EXOC1: variants seen among roughly 807,000 people sequenced by gnomAD.
The protein encoded by EXOC1 is SEC3-like 1.
In EXOC1, 67 loss-of-function variants were observed where a neutral mutation model predicts 107.7. That is an observed-to-expected ratio of 0.62 (90% CI 0.51 to 0.76). The LOEUF is 0.76. Ranked by LOEUF, EXOC1 falls within the 30% of genes least tolerant of loss-of-function variation. The probability of loss-of-function intolerance (pLI) is 0.00; values close to 1 mark genes in which losing one functional copy is unlikely to be tolerated. For synonymous variants in EXOC1, 348 were observed against 353.5 expected (o/e 0.98, Z 0.17); for missense variants, 833 against 1,055.7 (o/e 0.79, Z 2.92).
At chr4:55,877,728 C>A (rs1723030651) in intron 8 of EXOC1, 189 bp from the exon 9 acceptor site, 2 of 985,118 alleles carry the variant, frequency 2.0e-6, no homozygotes, top group African/African-American at 3.5e-5. Flanking sequence ...TGGTAATGTT[C>A]ATTTGATATA....
intron 8 of EXOC1, chr4:55,875,355 C>A: frequency 1.3e-6 from 1 of 790,362 alleles, no homozygotes; most frequent in Non-Finnish European, 1.5e-6. Context: ...TGGAACTTTG[C>A]TCAGATTTTT....
chr4:55,879,224 C>T (rs1245863095), intron 9 of EXOC1, among the ~76,000 whole-genome samples: 1 of 152,132 alleles, frequency 6.6e-6, no homozygotes, highest in Non-Finnish European at 1.5e-5. Context: ...TCTCAGAGTA[C>T]GTATTCTAGA....
At position 55,870,917 on chromosome 4, in the gene EXOC1, C is replaced by A. The variant is rs372578105; in HGVS notation, c.831+12C>A. On this transcript the variant is annotated intron_variant, in intron 6 of 18. Coordinates refer to ENST00000381295, the MANE Select transcript of EXOC1 (RefSeq NM_001024924.2). ...TAGAGTTCCTTGTGGTAAGTATGATCATAAATTACCAACAAAAAAAAACTA... is the reference window on the plus strand; with the variant it reads ...TAGAGTTCCTTGTGGTAAGTATGATAATAAATTACCAACAAAAAAAAACTA... 2 of 1,581,874 alleles carry A rather than the reference C, an allele frequency of 1.3e-6. No individual in the cohort carries two copies. The highest frequency in any genetic ancestry group is 1.1e-5 in the South Asian group (1 of 87,290).
rs1301813235 is a variant in EXOC1, at chr4:55,896,869, C to T, written c.2106C>T (p.Tyr702=). 1 of 1,604,966 alleles carries T rather than the reference C, an allele frequency of 6.2e-7. No homozygotes were observed. Among genetic ancestry groups the T allele is most frequent in the South Asian group, 1.1e-5 (1 of 88,776 alleles). The change falls in exon 16 of 19, where the codon TAC becomes TAT. Residue 702 remains tyrosine (Y), a synonymous_variant. Transcript: ENST00000381295. The part of the protein sequence containing the change: ...AERRGDLDKA[Y]TKLIRGVFVN... The stretch of plus-strand genomic sequence containing the variant: ...GTCGTGGAGACCTGGATAAAGCATA[C>T]ACCAAACTTATCAGAGGAGTATTTG...
chr4:55,900,096 C>A (rs1487321860), intron 17 of EXOC1, among the ~76,000 whole-genome samples: 5 of 152,044 alleles, frequency 3.3e-5, no homozygotes. Flanking sequence ...TATTTATCTA[C>A]TATATTTTAA....
intron 10 of EXOC1, among the ~76,000 whole-genome samples, chr4:55,888,368 T>G (rs1258618312): frequency 1.3e-5 from 2 of 152,182 alleles, no homozygotes; most frequent in Non-Finnish European, 2.9e-5. Context: ...GTTTTAACTT[T>G]TCAGTGGTTT....
Position 55,871,204 on chromosome 4 carries a change from T to G in EXOC1, c.935T>G (p.Leu312Arg). ...EACTNAADAL[L>R]QCMNVALRPG... ...TGCACCAATGCTGCTGATGCCCTTCTGCAGTGCATGAATGTAGCTCTTCGA... is the reference window on the plus strand; with the variant it reads ...TGCACCAATGCTGCTGATGCCCTTCGGCAGTGCATGAATGTAGCTCTTCGA... Residue 312 changes from leucine to arginine, a missense_variant, in exon 7 of 19, where the codon CTG becomes CGG. By Grantham distance (102) the Leu-to-Arg change is moderately radical. This residue lies in a region of EXOC1 where 617 missense variants were observed against 701.3 expected (regional missense o/e 0.88). Coordinates refer to ENST00000381295, the MANE Select transcript of EXOC1 (RefSeq NM_001024924.2). The G allele has an allele frequency of 1.2e-6, 2 of 1,613,840 alleles. No individual in the cohort carries two copies. The highest frequency in any genetic ancestry group is 1.7e-6 in the Non-Finnish European group (2 of 1,179,818).
Position 55,899,761 on chromosome 4 carries a change from A to T in EXOC1, c.2214A>T (p.Ala738=). The T allele has an allele frequency of 1.9e-6, 3 of 1,613,832 alleles. No homozygotes were observed. Among genetic ancestry groups the T allele is most frequent in the Non-Finnish European group, 2.5e-6 (3 of 1,179,824 alleles). The stretch of plus-strand genomic sequence containing the variant: ...TGGAAAACTTTCACCATATTTTTGC[A>T]ACTCTTTCTCGATTGAAAATCTCAT... ...VMMENFHHIF[A]TLSRLKISCL... The change falls in exon 17 of 19, where the codon GCA becomes GCT. Residue 738 remains alanine (A), a synonymous_variant. Coordinates refer to ENST00000381295, the MANE Select transcript of EXOC1 (RefSeq NM_001024924.2).
intron 3 of EXOC1, among the ~76,000 whole-genome samples, chr4:55,861,333 A>G (rs1392909233): frequency 6.6e-6 from 1 of 152,228 alleles, no homozygotes; most frequent in Admixed American, 6.5e-5. Flanking sequence ...CAAGGCTTAT[A>G]CTAGTGAAAC....
intron 11 of EXOC1, 57 bp downstream of exon 11, chr4:55,888,989 G>C (rs907143120): frequency 8.9e-6 from 14 of 1,574,678 alleles, no homozygotes; most frequent in Non-Finnish European, 1.2e-5. Context: ...TTAATGTCTA[G>C]AAATTAGTTG....
chr4:55,884,629 A>G lies in EXOC1; in HGVS notation c.1330+701A>G, dbSNP rs182242837. Among the ~76,000 whole-genome samples the G allele has an allele frequency of 7.9e-4, 121 of 152,332 alleles. 1 individual carries two copies. The highest frequency in any genetic ancestry group is 2.8e-3 in the African/African-American group (116 of 41,578). The stretch of plus-strand genomic sequence containing the variant: ...CCACATTCTGCTCTTGCATGTATCC[A>G]TCTCTGGAGTTCCTTTTGGATGGAG... On this transcript the variant is annotated intron_variant, in intron 10 of 18. Transcript: ENST00000381295.
chr4:55,884,063 C>G, intron 10 of EXOC1, 135 bp downstream of exon 10: 1 of 629,728 alleles, frequency 1.6e-6, no homozygotes, highest in Non-Finnish European at 2.7e-6. Context: ...AAAACGTTGG[C>G]TTGATTTATA....
rs980583108 is a variant in EXOC1 at position 55,877,990 on chromosome 4, G to A, written c.1148G>A (p.Arg383Lys). The A allele has an allele frequency of 8.7e-6, 14 of 1,613,856 alleles. No homozygotes were observed. Among genetic ancestry groups the A allele is most frequent in the Non-Finnish European group, 1.1e-5 (13 of 1,179,878 alleles). Residue 383 changes from arginine (R) to lysine (K), a missense_variant, in exon 9 of 19, where the codon AGA (arginine) becomes AAA (lysine). By Grantham distance (26) the Arg-to-Lys change is conservative. Transcript: ENST00000381295. Reference sequence around the variant, plus strand: ...TTACCCAATCATCATCCATTTCATAGAGATTTGCTCCGATATGCCAAGCTG... The same window carrying A: ...TTACCCAATCATCATCCATTTCATAAAGATTTGCTCCGATATGCCAAGCTG... ...LTLPNHHPFH[R>K]DLLRYAKLME...
intron 5 of EXOC1, among the ~76,000 whole-genome samples, chr4:55,869,824 T>G (rs1331812646): frequency 6.6e-6 from 1 of 152,228 alleles, no homozygotes; most frequent in Non-Finnish European, 1.5e-5. Flanking sequence ...ATCCTTTAAA[T>G]TTCTGGTCCA....
At chr4:55,857,360 T>A (rs1056653834) in intron 1 of EXOC1, among the ~76,000 whole-genome samples, 9 of 151,600 alleles carry the variant, frequency 5.9e-5, no homozygotes, top group Admixed American at 2.6e-4. Flanking sequence ...TTTTGTATTT[T>A]TAGTAGAGAC....
intron 4 of EXOC1, among the ~76,000 whole-genome samples, chr4:55,866,177 A>C (rs1173315852): frequency 6.6e-6 from 1 of 152,190 alleles, no homozygotes; most frequent in Non-Finnish European, 1.5e-5. Flanking sequence ...GACTATTTTG[A>C]TTATAAATGG....
At position 55,902,326 on chromosome 4, in the gene EXOC1, C is replaced by G; in HGVS notation, c.2338-18C>G. ...TAAATGCAGGTCTTAGCCATTGTTT[C>G]TTTTCATTTCCTTGAAGCATTTCTT... On this transcript the variant is annotated intron_variant, in intron 17 of 18. Coordinates refer to ENST00000381295, the MANE Select transcript of EXOC1 (RefSeq NM_001024924.2). The G allele has an allele frequency of 2.1e-6, 3 of 1,408,420 alleles. No homozygotes were observed. The Middle Eastern group carries it at 5.7e-4, about 266-fold the overall frequency. The allele number at this position is 1,408,420 out of a possible 1,614,324, so 87.2% of individuals were successfully genotyped here.
At chr4:55,870,556 T>C in intron 5 of EXOC1, 122 bp from the exon 6 acceptor site, 2 of 844,866 alleles carry the variant, frequency 2.4e-6, no homozygotes, top group Non-Finnish European at 3.7e-6. Context: ...TCAATTTTTG[T>C]TATGCTACTT....
At chr4:55,903,575 C>A (rs1336918837) in intron 18 of EXOC1, among the ~76,000 whole-genome samples, 1 of 152,136 alleles carries the variant, frequency 6.6e-6, no homozygotes, top group Non-Finnish European at 1.5e-5. Flanking sequence ...AAGAAAAAAT[C>A]TTGGAAGAAT....
Sources: gnomAD v4.1 joint callset for allele counts (sites outside exome capture counted in the v4.1 genomes callset) on GRCh38, gnomAD v4.1.1 for gene constraint, gnomAD v4.1.1 regional missense constraint, MANE v1.5 for transcripts, NCBI Gene and HGNC (gene_info 2026-07-23, HGNC 2026-07-21) for gene names.